The following SOX6 variants were observed in gnomAD, a reference collection of about 807,000 sequenced individuals.
SOX6 encodes the protein transcription factor SOX-6.
Under a neutral mutation model 97.8 loss-of-function variants are expected in SOX6, and 11 were observed. That is an observed-to-expected ratio of 0.11 (90% CI 0.07 to 0.19). The LOEUF (loss-of-function observed/expected upper bound fraction) is 0.19, where lower values mean the gene tolerates loss of function less well. Ranked by LOEUF, SOX6 falls within the 10% of genes least tolerant of loss-of-function variation. The pLI is 1.00. For missense variants in SOX6, 810 were observed against 1,039.5 expected, an observed-to-expected ratio of 0.78 and a Z score of 3.04; for synonymous variants, 360 against 371.4, an observed-to-expected ratio of 0.97 and a Z score of 0.35.
chr11:16,241,580 T>C (rs1008878877), intron 3 of SOX6, among the ~76,000 whole-genome samples: 2 of 152,072 alleles, frequency 1.3e-5, no homozygotes, highest in South Asian at 4.1e-4. Flanking sequence ...TTTATTTTGG[T>C]TTCTTTGGGA....
At chr11:16,145,710 GACAA>G (rs1409868939) in intron 6 of SOX6, among the ~76,000 whole-genome samples, 1 of 152,108 alleles carries the variant, frequency 6.6e-6, no homozygotes, top group East Asian at 1.9e-4. Flanking sequence ...ACCAACAACA[GACAA>G]ACAGAGAACC....
chr11:16,598,058 A>G (rs895920233), intron 4 of SOX6, among the ~76,000 whole-genome samples: 3 of 152,096 alleles, frequency 2.0e-5, no homozygotes, highest in African/African-American at 7.2e-5. Context: ...CCAGATCCAG[A>G]TAACTGTAAG....
chr11:16,584,529 C>T (rs4447141), intron 4 of SOX6, among the ~76,000 whole-genome samples: 1 of 152,036 alleles, frequency 6.6e-6, no homozygotes, highest in Non-Finnish European at 1.5e-5. Context: ...ACTGCTACAG[C>T]TACTGTCCTT....
At chr11:16,261,904 G>A (rs781709749) in intron 3 of SOX6, among the ~76,000 whole-genome samples, 4 of 151,952 alleles carry the variant, frequency 2.6e-5, no homozygotes, top group Non-Finnish European at 4.4e-5. Context: ...AAACAAGATC[G>A]AAATCTAAAT....
chr11:16,187,608 G>T (rs530039803), intron 4 of SOX6, among the ~76,000 whole-genome samples: 3 of 152,056 alleles, frequency 2.0e-5, no homozygotes, highest in Non-Finnish European at 4.4e-5. Flanking sequence ...CAACAGTGTT[G>T]CTTGGGGGGC....
intron 3 of SOX6, among the ~76,000 whole-genome samples, chr11:16,256,027 C>A (rs1853671383): frequency 6.6e-6 from 1 of 151,924 alleles, no homozygotes; most frequent in Non-Finnish European, 1.5e-5. Flanking sequence ...AGAAACGACA[C>A]AATCTGCCAA....
At chr11:16,046,754 G>A in intron 11 of SOX6, 53 bp from the exon 12 acceptor site, 3 of 1,544,202 alleles carry the variant, frequency 1.9e-6, no homozygotes, top group Non-Finnish European at 2.7e-6. Context: ...CTCCTAAAAA[G>A]TACTACTACT....
intron 3 of SOX6, among the ~76,000 whole-genome samples, chr11:16,237,943 G>A (rs1853073632): frequency 1.3e-5 from 2 of 151,838 alleles, no homozygotes; most frequent in Non-Finnish European, 2.9e-5. Context: ...ATTACAGCAT[G>A]AAAAATGTCA....
At chr11:16,388,013 T>C (rs1565125725) in intron 1 of SOX6, among the ~76,000 whole-genome samples, 1 of 152,136 alleles carries the variant, frequency 6.6e-6, no homozygotes, top group East Asian at 1.9e-4. Context: ...CAGTATCTTG[T>C]TTCCTATCTT....
chr11:15,996,908 A>T (rs759116366), intron 13 of SOX6, among the ~76,000 whole-genome samples: 3 of 152,156 alleles, frequency 2.0e-5, no homozygotes, highest in Non-Finnish European at 4.4e-5. Context: ...AATGAAACAG[A>T]AAACAGATAT....
intron 3 of SOX6, among the ~76,000 whole-genome samples, chr11:16,255,100 A>C (rs966113595): frequency 6.6e-6 from 1 of 152,050 alleles, no homozygotes; most frequent in East Asian, 1.9e-4. Context: ...ACCTAATAAC[A>C]GAATATCAAA....
intron 1 of SOX6, among the ~76,000 whole-genome samples, chr11:16,435,405 A>G (rs901764972): frequency 6.6e-6 from 1 of 152,204 alleles, no homozygotes; most frequent in African/African-American, 2.4e-5. Flanking sequence ...TTGCAGGCTA[A>G]TAGCCAAAGC....
At position 16,494,424 on chromosome 11, in the gene SOX6, C is replaced by T. The variant is rs191947260; in HGVS notation, n.610-18036G>A. 2.0e-4 allele frequency among the ~76,000 whole-genome samples: 31 copies of T among 152,232 alleles called. No homozygotes were observed. In the East Asian group the frequency reaches 5.8e-3, roughly 28 times the overall value. ...TAAATAAAATGAATGAGAAAGGCTACACATCCTGATACATATATCCTCAAT... is the reference window on the plus strand; with the variant it reads ...TAAATAAAATGAATGAGAAAGGCTATACATCCTGATACATATATCCTCAAT... On this transcript the variant is annotated intron_variant and non_coding_transcript_variant, in intron 4 of 5. Transcript: ENST00000524520.
chr11:16,065,697 G>C (rs542710420), intron 9 of SOX6, among the ~76,000 whole-genome samples: 1 of 152,222 alleles, frequency 6.6e-6, no homozygotes, highest in East Asian at 1.9e-4. Flanking sequence ...AGAAAGACAG[G>C]ATATTCATAT....
At chr11:16,054,436 A>G (rs1847764790) in intron 10 of SOX6, among the ~76,000 whole-genome samples, 1 of 152,128 alleles carries the variant, frequency 6.6e-6, no homozygotes. Context: ...TTCTAACAGC[A>G]GAACATAAAT....
At chr11:16,057,493 G>A (rs1847847064) in intron 9 of SOX6, among the ~76,000 whole-genome samples, 1 of 151,982 alleles carries the variant, frequency 6.6e-6, no homozygotes, top group South Asian at 2.1e-4. Flanking sequence ...CTGAATCCTG[G>A]TTTCTCCCTT....
chr11:16,614,366 C>T lies in SOX6; in HGVS notation n.430-2106G>A, dbSNP rs150752288. Among the ~76,000 whole-genome samples, 166 of 152,248 alleles carry T rather than the reference C, an allele frequency of 1.1e-3. 1 individual carries two copies. The highest frequency in any genetic ancestry group is 6.8e-3 in the Middle Eastern group (2 of 294). On this transcript the variant is annotated intron_variant and non_coding_transcript_variant, in intron 3 of 5. Transcript: ENST00000524520. ...ACCCAAGGTCACAAACGGAGGTCTCCGAGACGAGAATTGCGTGCAAGAGAA... is the reference window on the plus strand; with the variant it reads ...ACCCAAGGTCACAAACGGAGGTCTCTGAGACGAGAATTGCGTGCAAGAGAA...
At chr11:16,094,817 A>G (rs1186740103) in intron 9 of SOX6, among the ~76,000 whole-genome samples, 1 of 151,716 alleles carries the variant, frequency 6.6e-6, no homozygotes, top group African/African-American at 2.4e-5. Flanking sequence ...CCCCCTCTCT[A>G]CCTCTTATGT....
chr11:16,287,549 G>C (rs571055291), intron 3 of SOX6, among the ~76,000 whole-genome samples: 1 of 152,084 alleles, frequency 6.6e-6, no homozygotes, highest in Non-Finnish European at 1.5e-5. Flanking sequence ...ACTGAAATAA[G>C]TATTAAGTGC....
Sources: gnomAD v4.1 joint callset for allele counts (sites outside exome capture counted in the v4.1 genomes callset) on GRCh38, gnomAD v4.1.1 for gene constraint, MANE v1.5 for transcripts, NCBI Gene and HGNC (gene_info 2026-07-23, HGNC 2026-07-21) for gene names.